The following KCNMA1 variants were observed in gnomAD, a reference collection of about 807,000 sequenced individuals.
The protein encoded by KCNMA1 is potassium calcium-activated channel subfamily M alpha 1.
KCNMA1 carries 29 observed loss-of-function variants against 140.0 expected under a neutral mutation model. That is an observed-to-expected ratio of 0.21 (90% CI 0.15 to 0.28). The LOEUF (loss-of-function observed/expected upper bound fraction) is 0.28, where lower values mean the gene tolerates loss of function less well. Ranked by LOEUF, KCNMA1 falls within the 10% of genes least tolerant of loss-of-function variation. The pLI is 1.00. For synonymous variants in KCNMA1, 612 were observed against 611.9 expected, an observed-to-expected ratio of 1.00 and a Z score of 0.00; for missense variants, 880 against 1,602.2, an observed-to-expected ratio of 0.55 and a Z score of 7.70.
intron 2 of KCNMA1, among the ~76,000 whole-genome samples, chr10:77,371,312 A>G (rs1300778817): frequency 6.6e-6 from 1 of 151,966 alleles, no homozygotes; most frequent in African/African-American, 2.4e-5. Context: ...TTGATTCTCC[A>G]GGTCCACACT....
At chr10:77,489,088 A>G (rs149552405) in intron 1 of KCNMA1, among the ~76,000 whole-genome samples, 1 of 152,176 alleles carries the variant, frequency 6.6e-6, no homozygotes, top group East Asian at 1.9e-4. Flanking sequence ...GGGGTAGATG[A>G]CCCCAGGGCC....
chr10:76,976,289 G>C (rs1040790617), intron 19 of KCNMA1, among the ~76,000 whole-genome samples: 1 of 152,138 alleles, frequency 6.6e-6, no homozygotes, highest in African/African-American at 2.4e-5. Context: ...AATGGGGAGG[G>C]AGACTTTAAG....
intron 1 of KCNMA1, among the ~76,000 whole-genome samples, chr10:77,609,980 A>G (rs1033915780): frequency 6.6e-6 from 1 of 152,240 alleles, no homozygotes; most frequent in African/African-American, 2.4e-5. Flanking sequence ...CAAGGCGATG[A>G]AAACAGAAAC....
At chr10:77,164,850 T>C (rs1229486089) in intron 5 of KCNMA1, among the ~76,000 whole-genome samples, 2 of 152,172 alleles carry the variant, frequency 1.3e-5, no homozygotes, top group Admixed American at 6.5e-5. Context: ...ATGTTCCATA[T>C]GGCAATAGGG....
chr10:77,263,166 A>T (rs1227267970), intron 2 of KCNMA1, among the ~76,000 whole-genome samples: 1 of 151,516 alleles, frequency 6.6e-6, no homozygotes, highest in East Asian at 1.9e-4. Flanking sequence ...CATGCAAGTG[A>T]CTCTTCCCTC....
At chr10:77,497,938 A>C (rs2042520787) in intron 1 of KCNMA1, among the ~76,000 whole-genome samples, 1 of 152,210 alleles carries the variant, frequency 6.6e-6, no homozygotes, top group Non-Finnish European at 1.5e-5. Context: ...CCATTTACAA[A>C]TACCATGGCA....
chr10:76,914,241 AC>A lies in KCNMA1; in HGVS notation c.3016+694del, dbSNP rs1308953725. On this transcript the variant is annotated intron_variant, in intron 24 of 27. Coordinates refer to ENST00000286628, the MANE Select transcript of KCNMA1 (RefSeq NM_001161352.2). ...AGAGGAAACATTCTCAAGTAAAGGG[AC>A]CCCGGACCACAGGTAGTTTGCATTT... 4 of 809,666 alleles carry A rather than the reference AC, an allele frequency of 4.9e-6. No individual in the cohort carries two copies. In the East Asian group the frequency reaches 1.1e-4, roughly 22 times the overall value. The allele number at this position is 809,666 out of a possible 1,614,324, so 50.2% of individuals were successfully genotyped here.
chr10:77,127,332 A>G (rs1041062969), intron 5 of KCNMA1, among the ~76,000 whole-genome samples: 3 of 152,120 alleles, frequency 2.0e-5, no homozygotes, highest in Non-Finnish European at 2.9e-5. Flanking sequence ...GTTTGAAAGC[A>G]ACAGAGCCAA....
chr10:77,009,348 T>C (rs1209077642), intron 18 of KCNMA1, among the ~76,000 whole-genome samples: 1 of 152,196 alleles, frequency 6.6e-6, no homozygotes, highest in African/African-American at 2.4e-5. Context: ...TGTTTACCTG[T>C]CTGGAACCAA....
intron 1 of KCNMA1, among the ~76,000 whole-genome samples, chr10:77,489,264 C>T (rs2098502928): frequency 6.6e-6 from 1 of 152,098 alleles, no homozygotes; most frequent in African/African-American, 2.4e-5. Flanking sequence ...AAACCAAAAA[C>T]CTATCTTGCT....
intron 2 of KCNMA1, among the ~76,000 whole-genome samples, chr10:77,353,539 T>A (rs905551883): frequency 6.6e-6 from 1 of 151,950 alleles, no homozygotes; most frequent in African/African-American, 2.4e-5. Context: ...TCTATCCACA[T>A]CATTCGTGCT....
intron 1 of KCNMA1, among the ~76,000 whole-genome samples, chr10:77,433,223 G>A (rs953776030): frequency 7.0e-4 from 106 of 152,174 alleles, no homozygotes; most frequent in African/African-American, 2.4e-3. Flanking sequence ...TATGATCTCC[G>A]CTCACTGCAA....
At chr10:77,549,338 T>C (rs1317736301) in intron 1 of KCNMA1, among the ~76,000 whole-genome samples, 1 of 152,214 alleles carries the variant, frequency 6.6e-6, no homozygotes, top group Non-Finnish European at 1.5e-5. Flanking sequence ...ACCCTTCAGA[T>C]GGAGAGGAAG....
intron 14 of KCNMA1, among the ~76,000 whole-genome samples, chr10:77,040,088 C>T (rs1215461685): frequency 2.6e-5 from 4 of 151,188 alleles, no homozygotes; most frequent in Non-Finnish European, 5.9e-5. Flanking sequence ...CTATGTTGCC[C>T]AGGCTTGTCT....
chr10:77,329,062 G>A (rs868453789), intron 2 of KCNMA1, among the ~76,000 whole-genome samples: 6 of 151,928 alleles, frequency 3.9e-5, no homozygotes, highest in Admixed American at 2.0e-4. Context: ...GGATGGTCTC[G>A]ATCTCCTGAC....
Position 77,415,684 on chromosome 10 carries a change from G to A in KCNMA1, c.379-11661C>T, listed in dbSNP as rs147440524. On this transcript the variant is annotated intron_variant, in intron 1 of 27. Coordinates refer to ENST00000286628, the MANE Select transcript of KCNMA1 (RefSeq NM_001161352.2). ...CCATTGCCATCCTGTAGACCAGGAG[G>A]AGGATCCAGCCCCCAAGGAGCCTCA... 6.5e-3 allele frequency among the ~76,000 whole-genome samples: 983 copies of A among 152,346 alleles called. 1 individual carries two copies. The highest frequency in any genetic ancestry group is 0.011 in the Non-Finnish European group (732 of 68,036).
chr10:77,630,529 G>A (rs1208470324), intron 1 of KCNMA1, among the ~76,000 whole-genome samples: 1 of 152,162 alleles, frequency 6.6e-6, no homozygotes, highest in African/African-American at 2.4e-5. Flanking sequence ...ACCCTGGTCT[G>A]AAAGGAGTTT....
At chr10:77,492,023 C>A (rs541892599) in intron 1 of KCNMA1, among the ~76,000 whole-genome samples, 3 of 152,270 alleles carry the variant, frequency 2.0e-5, no homozygotes, top group Admixed American at 6.5e-5. Context: ...CCTGCCGGTC[C>A]CGCCTCACTG....
chr10:77,626,700 C>T (rs1479663290), intron 1 of KCNMA1, among the ~76,000 whole-genome samples: 1 of 152,198 alleles, frequency 6.6e-6, no homozygotes, highest in African/African-American at 2.4e-5. Context: ...ACATCTCCCA[C>T]AAACCCTTCC....
Sources: allele counts gnomAD v4.1 joint callset (sites outside exome capture counted in the v4.1 genomes callset), GRCh38; gene constraint gnomAD v4.1.1; transcripts MANE v1.5; gene names NCBI Gene and HGNC (gene_info 2026-07-23, HGNC 2026-07-21).